The following PLEKHM2 variants were observed in gnomAD, a reference collection of about 807,000 sequenced individuals.
PLEKHM2 encodes pleckstrin homology and RUN domain containing M2.
A neutral mutation model predicts 116.3 loss-of-function variants in PLEKHM2; 77 were observed. The ratio of observed to expected loss-of-function variants is 0.66; its 90% CI spans 0.55 to 0.80. The LOEUF is 0.80. PLEKHM2 is among the 30% of genes least tolerant of loss of function. PLEKHM2 has a pLI of 0.00. For synonymous variants in PLEKHM2, 562 were observed against 571.0 expected, an observed-to-expected ratio of 0.98 and a Z score of 0.22; for missense variants, 1,183 against 1,354.9, an observed-to-expected ratio of 0.87 and a Z score of 1.99.
intron 1 of PLEKHM2, among the ~76,000 whole-genome samples, chr1:15,707,031 T>G (rs1201001570): frequency 6.6e-6 from 1 of 152,056 alleles, no homozygotes; most frequent in Non-Finnish European, 1.5e-5. Flanking sequence ...CCAGCATGCT[T>G]CTTCTGTAAA....
chr1:15,682,101 C>G (rs114917269), upstream of PLEKHM2, among the ~76,000 whole-genome samples: 1 of 150,004 alleles, frequency 6.7e-6, no homozygotes, highest in East Asian at 2.0e-4. Context: ...GGGAGGCTGA[C>G]GTGGGAGGAT....
chr1:15,684,865 G>A (rs1408652526), intron 1 of PLEKHM2, among the ~76,000 whole-genome samples: 1 of 152,014 alleles, frequency 6.6e-6, no homozygotes, highest in Non-Finnish European at 1.5e-5. Flanking sequence ...ACCTGGCCCG[G>A]GGCCCTGCCC....
chr1:15,720,376 CT>C, intron 6 of PLEKHM2: 1 of 985,246 alleles, frequency 1.0e-6, no homozygotes, highest in South Asian at 4.7e-5. Context: ...GCAGGGAAAC[CT>C]TGCCACTGTG....
chr1:15,681,931 A>G (rs1187907120), upstream of PLEKHM2, among the ~76,000 whole-genome samples: 2 of 152,184 alleles, frequency 1.3e-5, no homozygotes, highest in Non-Finnish European at 2.9e-5. Flanking sequence ...TGGGCTGGAC[A>G]TGATGGCTCA....
chr1:15,694,312 G>A (rs1438322513), intron 1 of PLEKHM2, among the ~76,000 whole-genome samples: 1 of 151,826 alleles, frequency 6.6e-6, no homozygotes, highest in African/African-American at 2.4e-5. Flanking sequence ...TCGCGCCACT[G>A]TACTCTAGCC....
At chr1:15,706,678 A>G (rs1052119497) in intron 1 of PLEKHM2, among the ~76,000 whole-genome samples, 4 of 152,288 alleles carry the variant, frequency 2.6e-5, no homozygotes, top group Admixed American at 1.3e-4. Flanking sequence ...AAGTGCTGGC[A>G]TTACAGGCGT....
Position 15,721,197 on chromosome 1 carries a change from C to T in PLEKHM2, c.653-132C>T. The stretch of plus-strand genomic sequence containing the variant: ...TAAGTTTCCCCAAGGTTGTTGGATA[C>T]AATGTAGAAAGTTGAAGTTTTCCTC... On this transcript the variant is annotated intron_variant, in intron 6 of 19. Transcript: ENST00000375799. This position sits in a 1 kb window ranked among gnomAD's most constrained non-coding sequence, Gnocchi z 5.1. 1.5e-6 allele frequency: 1 copy of T among 661,484 alleles called. No homozygotes were observed. The highest frequency in any genetic ancestry group is 1.8e-5 in the South Asian group (1 of 54,256). The allele number at this position is 661,484 out of a possible 1,614,324, so 41.0% of individuals were successfully genotyped here.
In PLEKHM2 at chr1:15,732,521, T is replaced by A; in HGVS notation, c.2797T>A (p.Cys933Ser). 2.5e-6 allele frequency: 4 copies of A among 1,609,746 alleles called. No homozygotes were observed. Among genetic ancestry groups the A allele is most frequent in the Non-Finnish European group, 3.4e-6 (4 of 1,178,294 alleles). ...CTCCACCGAGCCGGGCAAGGAGTAC[T>A]GCGTCTTGGTGAGCTTTGAGTGGGG... The part of the protein sequence containing the change: ...AVSTEPGKEY[C>S]VLEFSQDSQQ... Residue 933 changes from cysteine (C) to serine (S), a missense_variant, in exon 18 of 20, where the codon TGC (cysteine) becomes AGC (serine). Around this residue, in one of 3 missense-constraint regions of PLEKHM2, gnomAD observed 594 missense variants for 720.1 expected, o/e 0.82. Transcript: ENST00000375799.
At position 15,727,811 on chromosome 1, in the gene PLEKHM2, T is replaced by C. The variant is rs760678464; in HGVS notation, c.1739T>C (p.Met580Thr). Residue 580 changes from methionine to threonine, a missense_variant, in exon 9 of 20, where the codon ATG (methionine) becomes ACG (threonine). By Grantham distance (81) the Met-to-Thr change is moderately conservative. Around this residue, in one of 3 missense-constraint regions of PLEKHM2, gnomAD observed 594 missense variants for 720.1 expected, o/e 0.82. Coordinates refer to ENST00000375799, the MANE Select transcript of PLEKHM2 (RefSeq NM_015164.4). This position sits in a 1 kb window ranked among gnomAD's most constrained non-coding sequence, Gnocchi z 7.5. ...GAGGGACAGGGGAGCCCTTCGGAGATGGTCCATTCCTCGGAGTTCAGGTAA... is the reference window on the plus strand; with the variant it reads ...GAGGGACAGGGGAGCCCTTCGGAGACGGTCCATTCCTCGGAGTTCAGGTAA... The part of the protein sequence containing the change: ...VDEGQGSPSE[M>T]VHSSEFRVDN... 9 of 1,589,960 alleles carry C rather than the reference T, an allele frequency of 5.7e-6. No homozygotes were observed. The highest frequency in any genetic ancestry group is 6.0e-6 in the Non-Finnish European group (7 of 1,167,860).
At chr1:15,724,617 CTT>C in intron 7 of PLEKHM2, among the ~76,000 whole-genome samples, 1 of 152,318 alleles carries the variant, frequency 6.6e-6, no homozygotes, top group African/African-American at 2.4e-5. Flanking sequence ...GGACCCCTGT[CTT>C]TGCCCCTTCG....
chr1:15,689,945 A>G (rs1324114064), intron 1 of PLEKHM2, among the ~76,000 whole-genome samples: 6 of 152,080 alleles, frequency 3.9e-5, no homozygotes, highest in African/African-American at 1.2e-4. Flanking sequence ...TAGTAGAGAC[A>G]GGGTTTCGCC....
intron 1 of PLEKHM2, among the ~76,000 whole-genome samples, chr1:15,699,244 C>A (rs952311779): frequency 6.6e-6 from 1 of 152,044 alleles, no homozygotes; most frequent in Non-Finnish European, 1.5e-5. Flanking sequence ...CATAGGTGTG[C>A]AGGTTTGTTA....
In PLEKHM2 at chr1:15,727,208, C is replaced by T. The variant is rs775719327; in HGVS notation, c.1136C>T (p.Pro379Leu). 18 of 1,606,302 alleles carry T rather than the reference C, an allele frequency of 1.1e-5. No individual in the cohort carries two copies. Among genetic ancestry groups the T allele is most frequent in the South Asian group, 7.8e-5 (7 of 89,830 alleles). The stretch of plus-strand genomic sequence containing the variant: ...TCCCCCCAGGAGGAGGGAGAGGGGC[C>T]GAGCAGCACCACGGAGAGCAGCGAG... The part of the protein sequence containing the change: ...LASPQEEGEG[P>L]SSTTESSERS... The change falls in exon 9 of 20, where the codon CCG (proline) becomes CTG (leucine). Residue 379 changes from proline (P) to leucine (L), a missense_variant. Coordinates refer to ENST00000375799, the MANE Select transcript of PLEKHM2 (RefSeq NM_015164.4). The surrounding 1 kb of genome is among the most constrained non-coding windows in gnomAD (Gnocchi z 7.5).
intron 1 of PLEKHM2, among the ~76,000 whole-genome samples, chr1:15,685,770 T>G (rs1247007020): frequency 1.3e-5 from 2 of 152,172 alleles, no homozygotes. Context: ...AGAAAATAGA[T>G]TCTCGAATTG....
At chr1:15,716,148 A>T in intron 1 of PLEKHM2, 89 bp from the exon 2 acceptor site, 1 of 820,032 alleles carries the variant, frequency 1.2e-6, no homozygotes. Flanking sequence ...CATTTGACTA[A>T]TTTTTTTTAG....
chr1:15,734,339 CCT>C lies in PLEKHM2; in HGVS notation c.*406_*407del. ...CCTCTCCTGGGTTGGGGGCTGGGGC[CCT>C]GAGTGCCCAGCCATCCTTGTTCGTG... is the stretch of plus-strand genomic sequence containing the variant. On this transcript the variant is annotated 3_prime_UTR_variant, in exon 20 of 20. Coordinates refer to ENST00000375799, the MANE Select transcript of PLEKHM2 (RefSeq NM_015164.4). 5.5e-6 allele frequency: 1 copy of C among 183,458 alleles called. No homozygotes were observed. The highest frequency in any genetic ancestry group is 1.1e-5 in the Non-Finnish European group (1 of 88,742). The allele number at this position is 183,458 out of a possible 1,614,324, so 11.4% of individuals were successfully genotyped here. A position where few individuals can be genotyped will look rare whatever the true frequency, so the allele number is the denominator to read the frequency against.
rs978723141 is a variant in PLEKHM2 at position 15,719,204 on chromosome 1, C to A, written c.466-530C>A. On this transcript the variant is annotated intron_variant, in intron 5 of 19. Coordinates refer to ENST00000375799, the MANE Select transcript of PLEKHM2 (RefSeq NM_015164.4). The surrounding 1 kb of genome is among the most constrained non-coding windows in gnomAD (Gnocchi z 4.1). Reference sequence around the variant, plus strand: ...GTGGCTCACACCTATAATCCCAGCACTTTGGGAGGCTGAGGTGGGTGGATC... The same window carrying A: ...GTGGCTCACACCTATAATCCCAGCAATTTGGGAGGCTGAGGTGGGTGGATC... 2.0e-5 allele frequency among the ~76,000 whole-genome samples: 3 copies of A among 152,210 alleles called. No individual in the cohort carries two copies. The highest frequency in any genetic ancestry group is 7.2e-5 in the African/African-American group (3 of 41,458).
intron 7 of PLEKHM2, among the ~76,000 whole-genome samples, chr1:15,722,275 C>T (rs2068005446): frequency 2.0e-5 from 3 of 152,356 alleles, no homozygotes; most frequent in Non-Finnish European, 4.4e-5. Flanking sequence ...TCCCAAGTAG[C>T]TGGGATTACA....
At chr1:15,692,664 C>T (rs951674263) in intron 1 of PLEKHM2, among the ~76,000 whole-genome samples, 3 of 152,204 alleles carry the variant, frequency 2.0e-5, no homozygotes, top group African/African-American at 7.2e-5. Flanking sequence ...TCTTGAACTC[C>T]TGGCCTCAAG....
Sources: gnomAD v4.1 joint callset for allele counts (sites outside exome capture counted in the v4.1 genomes callset) on GRCh38, gnomAD v4.1.1 for gene constraint, gnomAD v4.1.1 regional missense constraint, Gnocchi (gnomAD v3.1) non-coding constraint, MANE v1.5 for transcripts, NCBI Gene and HGNC (gene_info 2026-07-23, HGNC 2026-07-21) for gene names.